The following DHRSX variants were observed in gnomAD, a reference collection of about 807,000 sequenced individuals.
The protein encoded by DHRSX is dehydrogenase/reductase X-linked.
DHRSX carries 31 observed loss-of-function variants against 34.0 expected under a neutral mutation model. That is an observed-to-expected ratio of 0.91 (90% CI 0.69 to 1.23). DHRSX has a LOEUF of 1.23. Ranked by LOEUF, DHRSX falls within the 50% of genes most tolerant of loss-of-function variation. The probability of loss-of-function intolerance (pLI) is 0.00; values close to 1 mark genes in which losing one functional copy is unlikely to be tolerated. For synonymous variants in DHRSX, 201 were observed against 183.8 expected (o/e 1.09, Z -0.76); for missense variants, 414 against 428.1 (o/e 0.97, Z 0.29).
chrX:2,247,095 T>C (rs1292421793), intron 5 of DHRSX, among the ~76,000 whole-genome samples: 2 of 151,964 alleles, frequency 1.3e-5, no homozygotes, highest in East Asian at 1.9e-4. Context: ...ATTACAGGCA[T>C]ACACCACCAT....
intron 1 of DHRSX, among the ~76,000 whole-genome samples, chrX:2,457,295 C>T (rs1192053928): frequency 4.8e-5 from 7 of 146,594 alleles, no homozygotes; most frequent in Admixed American, 4.8e-4. Flanking sequence ...AATGTGGCAG[C>T]GGGATGGCCA....
chrX:2,446,640 A>T (rs763901492), intron 1 of DHRSX, among the ~76,000 whole-genome samples: 3 of 150,740 alleles, frequency 2.0e-5, no homozygotes, highest in Admixed American at 6.6e-5. Flanking sequence ...AAGGGACGGT[A>T]GCCATGTACA....
intron 6 of DHRSX, among the ~76,000 whole-genome samples, chrX:2,235,586 T>C (rs2015993298): frequency 1.4e-5 from 2 of 146,294 alleles, no homozygotes; most frequent in Non-Finnish European, 1.5e-5. Flanking sequence ...CTATTAAAAA[T>C]ATAAAAATTA....
In DHRSX at chrX:2,452,723, T is replaced by A. The variant is rs757224996; in HGVS notation, c.110-27419A>T. On this transcript the variant is annotated intron_variant, in intron 1 of 6. Coordinates refer to ENST00000334651, the MANE Select transcript of DHRSX (RefSeq NM_145177.3). ...CCAAGTACACACTGAATATGTTCCC[T>A]GAGCATGTGGCCAAGGGACGGCCGT... 1.5e-3 allele frequency among the ~76,000 whole-genome samples: 229 copies of A among 152,052 alleles called. 7 individuals are homozygous for A. In the South Asian group the frequency reaches 0.038, roughly 25 times the overall value.
At chrX:2,238,171 T>C (rs1470021047) in intron 6 of DHRSX, among the ~76,000 whole-genome samples, 2 of 152,056 alleles carry the variant, frequency 1.3e-5, no homozygotes, top group Admixed American at 6.6e-5. Context: ...CTGGACAACA[T>C]AGCAAGACCT....
At chrX:2,304,339 T>TGATGGATGGATGGATGGATGGATGGATG (rs778314078) in intron 3 of DHRSX, among the ~76,000 whole-genome samples, 1 of 117,960 alleles carries the variant, frequency 8.5e-6, no homozygotes, top group Non-Finnish European at 1.8e-5. Context: ...ATGGATGAAC[T>TGATGGATGGATGGATGGATGGATGGATG]GATGGATGGA....
rs772052053 is a variant in DHRSX at position 2,406,601 on chromosome X, C to T, written c.286+2144G>A. On this transcript the variant is annotated intron_variant, in intron 3 of 6. Transcript: ENST00000334651. ...GGTTACAGGCCCCTGCCACCACGCTCGGCTAATTTTTGTATTTTTAGTAGA... is the reference window on the plus strand; with the variant it reads ...GGTTACAGGCCCCTGCCACCACGCTTGGCTAATTTTTGTATTTTTAGTAGA... Among the ~76,000 whole-genome samples, 92 of 151,870 alleles carry T rather than the reference C, an allele frequency of 6.1e-4. No homozygotes were observed. The South Asian group carries it at 8.1e-3, about 13-fold the overall frequency.
At chrX:2,314,502 G>A (rs1390941445) in intron 3 of DHRSX, among the ~76,000 whole-genome samples, 9 of 119,144 alleles carry the variant, frequency 7.6e-5, no homozygotes, top group Admixed American at 4.6e-4. Flanking sequence ...AGGTAAAGGA[G>A]GTAAGGGAGG....
chrX:2,287,524 A>G (rs2041818239), intron 4 of DHRSX, among the ~76,000 whole-genome samples: 1 of 152,062 alleles, frequency 6.6e-6, no homozygotes, highest in South Asian at 2.1e-4. Context: ...CCCATGTGGT[A>G]CACAGAATAA....
intron 6 of DHRSX, among the ~76,000 whole-genome samples, chrX:2,222,103 GAC>G (rs1325029393): frequency 3.3e-5 from 5 of 152,228 alleles, no homozygotes; most frequent in African/African-American, 1.2e-4. Flanking sequence ...GTCCCTTCCA[GAC>G]ACAGAATCTG....
At chrX:2,270,043 G>A (rs2041528920) in intron 4 of DHRSX, among the ~76,000 whole-genome samples, 1 of 152,156 alleles carries the variant, frequency 6.6e-6, no homozygotes, top group Non-Finnish European at 1.5e-5. Context: ...GTTTGTATAT[G>A]TAGAGGTGTA....
chrX:2,488,653 C>T (rs763954613), intron 1 of DHRSX: 2 of 1,609,122 alleles, frequency 1.2e-6, no homozygotes, highest in East Asian at 4.5e-5. Flanking sequence ...AGCTGCTGTC[C>T]CTAATGCCAA....
rs143635271 is a variant in DHRSX, at chrX:2,220,741, C to T, written c.*300G>A. 2,982 of 405,106 alleles carry T rather than the reference C, an allele frequency of 7.4e-3. 91 individuals carry two copies. Among genetic ancestry groups the T allele is most frequent in the African/African-American group, 0.054 (2,749 of 50,646 alleles). The allele number at this position is 405,106 out of a possible 1,614,324, so 25.1% of individuals were successfully genotyped here. On this transcript the variant is annotated 3_prime_UTR_variant, in exon 7 of 7. Transcript: ENST00000334651. Reference sequence around the variant, plus strand: ...ACTTTTGTACTCAGTTGTATTAACGCGGCAAGGAAAATGGCACATTTATGT... The same window carrying T: ...ACTTTTGTACTCAGTTGTATTAACGTGGCAAGGAAAATGGCACATTTATGT...
At chrX:2,472,247 C>T (rs2044604420) in intron 1 of DHRSX, among the ~76,000 whole-genome samples, 1 of 151,938 alleles carries the variant, frequency 6.6e-6, no homozygotes, top group African/African-American at 2.4e-5. Flanking sequence ...CCAAATACCA[C>T]CTGTTCCCAC....
intron 1 of DHRSX, among the ~76,000 whole-genome samples, chrX:2,435,510 T>A (rs1299277085): frequency 1.3e-5 from 2 of 149,554 alleles, no homozygotes; most frequent in Non-Finnish European, 3.0e-5. Flanking sequence ...ACACCTGTAA[T>A]CCCAACACTT....
intron 5 of DHRSX, among the ~76,000 whole-genome samples, chrX:2,260,917 G>T (rs1252471348): frequency 6.6e-6 from 1 of 152,044 alleles, no homozygotes; most frequent in Non-Finnish European, 1.5e-5. Flanking sequence ...CTTCAGATAA[G>T]AGTTAATGGT....
At chrX:2,455,741 C>CAAAAAAAAAAAAAAA (rs752123891) in intron 1 of DHRSX, among the ~76,000 whole-genome samples, 4 of 59,798 alleles carry the variant, frequency 6.7e-5, no homozygotes, top group Non-Finnish European at 1.3e-4. Context: ...AACTTCGTCT[C>CAAAAAAAAAAAAAAA]AAAAAAAAAA....
intron 3 of DHRSX, among the ~76,000 whole-genome samples, chrX:2,319,011 C>T (rs2042274009): frequency 6.6e-6 from 1 of 152,094 alleles, no homozygotes; most frequent in Admixed American, 6.6e-5. Flanking sequence ...CAACTGCAGC[C>T]CTCTAGCAAA....
At chrX:2,331,446 T>TTG (rs2042474518) in intron 3 of DHRSX, among the ~76,000 whole-genome samples, 1 of 68,750 alleles carries the variant, frequency 1.5e-5, no homozygotes, top group Non-Finnish European at 2.9e-5. Flanking sequence ...GTTTTTTTTT[T>TTG]TTTTTTTTTT....
Sources: allele counts gnomAD v4.1 joint callset (sites outside exome capture counted in the v4.1 genomes callset), GRCh38; gene constraint gnomAD v4.1.1; transcripts MANE v1.5; gene names NCBI Gene and HGNC (gene_info 2026-07-23, HGNC 2026-07-21).